The following CLIC5 variants were observed in gnomAD, a reference collection of about 807,000 sequenced individuals.
CLIC5 encodes chloride intracellular channel protein 5.
A neutral mutation model predicts 24.7 loss-of-function variants in CLIC5; 20 were observed. The observed-to-expected ratio is 0.81, with a 90% CI of 0.57 to 1.18. The LOEUF is 1.18. Ranked by LOEUF, CLIC5 falls within the 50% of genes most tolerant of loss-of-function variation. CLIC5 has a pLI of 0.00. For synonymous variants in CLIC5, 159 were observed against 135.6 expected, an observed-to-expected ratio of 1.17 and a Z score of -1.20; for missense variants, 341 against 326.1, an observed-to-expected ratio of 1.05 and a Z score of -0.35.
At chr6:46,117,096 C>A in the CLIC5 span, among the ~76,000 whole-genome samples, 3 of 152,078 alleles carry the variant, frequency 2.0e-5, no homozygotes, top group South Asian at 6.2e-4. Flanking sequence ...TCAAATTGTC[C>A]CTGGCCAATC....
intron 6 of CLIC5, among the ~76,000 whole-genome samples, chr6:45,882,064 C>G (rs1460331412): frequency 6.6e-6 from 1 of 152,122 alleles, no homozygotes; most frequent in East Asian, 1.9e-4. Flanking sequence ...GGAAATGCCC[C>G]ATGGCCATCC....
chr6:45,963,446 T>C (rs1051866616), intron 1 of CLIC5, among the ~76,000 whole-genome samples: 6 of 152,312 alleles, frequency 3.9e-5, no homozygotes. Context: ...CAGTAGGCAC[T>C]GCACATTATG....
chr6:46,129,209 A>G, the CLIC5 span, among the ~76,000 whole-genome samples: 2 of 152,234 alleles, frequency 1.3e-5, no homozygotes, highest in East Asian at 1.9e-4. Flanking sequence ...AAGTACTTCT[A>G]TACCAAGTTC....
upstream of CLIC5, among the ~76,000 whole-genome samples, chr6:46,083,570 T>C (rs1762967890): frequency 6.6e-6 from 1 of 152,116 alleles, no homozygotes; most frequent in African/African-American, 2.4e-5. Flanking sequence ...TCAGTTTCCA[T>C]GTAGTTGAGC....
intron 4 of CLIC5, among the ~76,000 whole-genome samples, chr6:45,935,805 G>T (rs572968282): frequency 6.6e-6 from 1 of 152,112 alleles, no homozygotes; most frequent in East Asian, 1.9e-4. Flanking sequence ...CTGAGTAATG[G>T]GTGGATTCCA....
At chr6:45,960,536 G>A (rs931270334) in intron 1 of CLIC5, among the ~76,000 whole-genome samples, 4 of 152,134 alleles carry the variant, frequency 2.6e-5, no homozygotes, top group East Asian at 3.8e-4. Flanking sequence ...GTGAGGGCAC[G>A]CAGTGGAGCC....
chr6:45,885,470 A>G (rs1017746317), intron 6 of CLIC5, among the ~76,000 whole-genome samples: 2 of 152,208 alleles, frequency 1.3e-5, no homozygotes, highest in African/African-American at 4.8e-5. Flanking sequence ...TATGCCCATA[A>G]TGTCAACAGA....
At chr6:46,091,021 G>C in the CLIC5 span, among the ~76,000 whole-genome samples, 1 of 152,142 alleles carries the variant, frequency 6.6e-6, no homozygotes, top group African/African-American at 2.4e-5. Flanking sequence ...TCCTTTTTCT[G>C]TCTGTAAATC....
At chr6:46,053,987 C>G (rs546701158) in intron 1 of CLIC5, among the ~76,000 whole-genome samples, 1 of 152,244 alleles carries the variant, frequency 6.6e-6, no homozygotes. Flanking sequence ...GTGGATCATT[C>G]ATTTGGTCAG....
chr6:46,113,415 G>A, the CLIC5 span, among the ~76,000 whole-genome samples: 1 of 152,172 alleles, frequency 6.6e-6, no homozygotes, highest in Non-Finnish European at 1.5e-5. Context: ...TAAGAAACAA[G>A]TTGTGGGGCA....
chr6:45,958,429 TATA>T (rs1764723087), intron 1 of CLIC5, among the ~76,000 whole-genome samples: 12 of 4,664 alleles, frequency 2.6e-3, no homozygotes, highest in Admixed American at 8.9e-3. Flanking sequence ...CAATTATATA[TATA>T]TATATATATA....
chr6:45,954,378 A>G (rs1323106647), intron 2 of CLIC5, among the ~76,000 whole-genome samples: 2 of 152,140 alleles, frequency 1.3e-5, no homozygotes, highest in Non-Finnish European at 2.9e-5. Context: ...GCAATGTTAG[A>G]CATACATGAT....
Position 46,076,030 on chromosome 6 carries a change from C to G in CLIC5, c.540+3673G>C, listed in dbSNP as rs944277164. On this transcript the variant is annotated intron_variant, in intron 1 of 5. Transcript: ENST00000185206. ...CTTGCCTGAAGTTTGTCAGTTGCCTCTAAACTGTTTTTCCCTGTTACTGTG... is the reference window on the plus strand; with the variant it reads ...CTTGCCTGAAGTTTGTCAGTTGCCTGTAAACTGTTTTTCCCTGTTACTGTG... 2.0e-5 allele frequency among the ~76,000 whole-genome samples: 3 copies of G among 152,222 alleles called. No homozygotes were observed. In the South Asian group the frequency reaches 6.2e-4, roughly 32 times the overall value.
chr6:46,047,277 A>AG (rs1437077780), intron 1 of CLIC5, among the ~76,000 whole-genome samples: 1 of 152,188 alleles, frequency 6.6e-6, no homozygotes, highest in Non-Finnish European at 1.5e-5. Context: ...TTCCGGTAAT[A>AG]GTTACATTAT....
intron 4 of CLIC5, among the ~76,000 whole-genome samples, chr6:45,919,774 G>A (rs2127324784): frequency 6.6e-6 from 1 of 152,266 alleles, no homozygotes; most frequent in South Asian, 2.1e-4. Flanking sequence ...AAGATCAAAA[G>A]CTGAATATTG....
intron 1 of CLIC5, among the ~76,000 whole-genome samples, chr6:46,072,423 T>C (rs1271642635): frequency 1.3e-5 from 2 of 152,040 alleles, no homozygotes; most frequent in African/African-American, 4.8e-5. Context: ...TCGATTGCAC[T>C]ATTGAAAGTA....
intron 1 of CLIC5, among the ~76,000 whole-genome samples, chr6:46,004,962 A>G (rs1026419981): frequency 6.6e-6 from 1 of 152,172 alleles, no homozygotes; most frequent in Non-Finnish European, 1.5e-5. Flanking sequence ...TGCCACAGAG[A>G]GCAAATGTGT....
At chr6:46,109,799 G>A in the CLIC5 span, among the ~76,000 whole-genome samples, 1 of 152,134 alleles carries the variant, frequency 6.6e-6, no homozygotes, top group African/African-American at 2.4e-5. Context: ...GATTTCTCCA[G>A]AATTTGGAAA....
intron 4 of CLIC5, among the ~76,000 whole-genome samples, chr6:45,924,548 A>G (rs1001279697): frequency 1.3e-5 from 2 of 152,092 alleles, no homozygotes; most frequent in African/African-American, 4.8e-5. Flanking sequence ...GCAATTTTAT[A>G]CTTCTGTTTC....
Sources: allele counts gnomAD v4.1 joint callset (sites outside exome capture counted in the v4.1 genomes callset), GRCh38; gene constraint gnomAD v4.1.1; transcripts MANE v1.5; gene names NCBI Gene and HGNC (gene_info 2026-07-23, HGNC 2026-07-21).